Variants in RIPOR2 observed in about 807,000 individuals in gnomAD.
RIPOR2 encodes rho family-interacting cell polarization regulator 2.
RIPOR2 carries 39 observed loss-of-function variants against 114.5 expected under a neutral mutation model. That is an observed-to-expected ratio of 0.34 (90% CI 0.26 to 0.44). The LOEUF (loss-of-function observed/expected upper bound fraction) is 0.44, where lower values mean the gene tolerates loss of function less well. Ranked by LOEUF, RIPOR2 falls within the 20% of genes least tolerant of loss-of-function variation. The pLI, the probability that RIPOR2 is intolerant of heterozygous loss-of-function variation, is 1.00. For missense variants in RIPOR2, 1,007 were observed against 1,255.1 expected (o/e 0.80, Z 2.99); for synonymous variants, 445 against 484.4 (o/e 0.92, Z 1.07).
intron 1 of RIPOR2, among the ~76,000 whole-genome samples, chr6:24,999,512 T>C (rs9393605): frequency 0.53 from 80,142 of 151,150 alleles, 22,104 homozygotes; most frequent in East Asian, 0.76. Flanking sequence ...TGTGTAATTT[T>C]CCCTCTGCAA....
intron 1 of RIPOR2, among the ~76,000 whole-genome samples, chr6:24,881,834 T>C (rs1185585515): frequency 6.6e-6 from 1 of 152,036 alleles, no homozygotes; most frequent in African/African-American, 2.4e-5. Flanking sequence ...ACAAGAACAC[T>C]GAATCTGAAG....
At chr6:24,925,120 G>A (rs1770765026) in intron 1 of RIPOR2, among the ~76,000 whole-genome samples, 1 of 152,134 alleles carries the variant, frequency 6.6e-6, no homozygotes, top group African/African-American at 2.4e-5. Flanking sequence ...TATCTTGCAG[G>A]TAGTTGGCTG....
chr6:25,015,902 T>TTG (rs1775963123), intron 1 of RIPOR2: 2 of 88,356 alleles, frequency 2.3e-5, no homozygotes, highest in African/African-American at 9.0e-5. Flanking sequence ...TTTGGTTTTT[T>TTG]TTTTTTTTTT....
intron 12 of RIPOR2, among the ~76,000 whole-genome samples, chr6:24,847,361 A>G (rs1318593599): frequency 6.6e-6 from 1 of 152,216 alleles, no homozygotes. Context: ...ATTAGAAGAG[A>G]AGGACAAACT....
At chr6:24,967,084 C>T (rs974471409) in intron 1 of RIPOR2, among the ~76,000 whole-genome samples, 1 of 152,162 alleles carries the variant, frequency 6.6e-6, no homozygotes, top group African/African-American at 2.4e-5. Context: ...AGGAGTGTCT[C>T]CCCATTGGGA....
At chr6:25,019,800 A>G (rs1776223233) in intron 1 of RIPOR2, among the ~76,000 whole-genome samples, 1 of 139,932 alleles carries the variant, frequency 7.1e-6, no homozygotes, top group Non-Finnish European at 1.6e-5. Flanking sequence ...AAAAAAAAAG[A>G]AAAGAAAGAA....
chr6:25,001,477 T>C (rs961822580), intron 1 of RIPOR2, among the ~76,000 whole-genome samples: 1 of 151,378 alleles, frequency 6.6e-6, no homozygotes, highest in African/African-American at 2.4e-5. Flanking sequence ...ACAAAAAAAT[T>C]AGCTGGGCGC....
intron 1 of RIPOR2, among the ~76,000 whole-genome samples, chr6:25,004,930 C>A (rs1466734795): frequency 6.6e-6 from 1 of 151,362 alleles, no homozygotes; most frequent in Non-Finnish European, 1.5e-5. Context: ...TTCCAACCAT[C>A]CAAATATGTT....
At chr6:25,004,497 C>G (rs11758900) in intron 1 of RIPOR2, among the ~76,000 whole-genome samples, 58,857 of 152,004 alleles carry the variant, frequency 0.39, 14,317 homozygotes, top group Non-Finnish European at 0.54. Flanking sequence ...CACCTTGTCG[C>G]CTCCTCTCCA....
chr6:24,811,228 CTTTTTTTTTTT>C (rs59559836), intron 20 of RIPOR2, among the ~76,000 whole-genome samples: 6 of 93,774 alleles, frequency 6.4e-5, no homozygotes, highest in Non-Finnish European at 6.2e-5. Context: ...TTCTCTCATT[CTTTTTTTTTTT>C]TTTTTTTTTT....
In RIPOR2 at chr6:24,839,251, T is replaced by C. The variant is rs755820397; in HGVS notation, c.1879A>G (p.Ser627Gly). 39 of 1,551,790 alleles carry C rather than the reference T, an allele frequency of 2.5e-5. No individual in the cohort carries two copies. The highest frequency in any genetic ancestry group is 3.1e-5 in the Non-Finnish European group (36 of 1,147,020). The change falls in exon 14 of 22, where the codon AGC (serine) becomes GGC (glycine). Residue 627 changes from serine to glycine, a missense_variant. Ser to Gly is a moderately conservative substitution (Grantham distance 56, BLOSUM62 0). Coordinates refer to ENST00000643898, the MANE Select transcript of RIPOR2 (RefSeq NM_001286445.3). ...ILKCKPAVSR[S>G]RSSSLSLTVE... ...GTGAGACTTAAACTGGAAGACCTGC[T>C]GCGGCTTACTGCTGGCTTGCACTGT...
intron 1 of RIPOR2, chr6:25,023,598 C>A: frequency 1.3e-6 from 1 of 766,016 alleles, no homozygotes; most frequent in Non-Finnish European, 2.4e-6. Flanking sequence ...ATGGTGAAGG[C>A]CTTGATGTCT....
At chr6:24,884,403 C>T (rs1383002804) in intron 1 of RIPOR2, among the ~76,000 whole-genome samples, 1 of 151,998 alleles carries the variant, frequency 6.6e-6, no homozygotes, top group Non-Finnish European at 1.5e-5. Context: ...AGCGAGACTC[C>T]ATCTCAAAAA....
chr6:24,938,908 G>T (rs574231125), upstream of RIPOR2, among the ~76,000 whole-genome samples: 1 of 152,168 alleles, frequency 6.6e-6, no homozygotes, highest in African/African-American at 2.4e-5. Context: ...ACATATGCAT[G>T]CATCAATATG....
rs548924738 is a variant in RIPOR2, at chr6:24,850,825, C to A, written c.760-103G>T. ...AAGACCTAAAGCCACTGCTGCCCTC[C>A]GCTTCTCCCTTACTCTCCCTCCACC... is the stretch of plus-strand genomic sequence containing the variant. On this transcript the variant is annotated intron_variant, in intron 9 of 21. Transcript: ENST00000643898. The A allele has an allele frequency of 9.2e-6, 12 of 1,307,616 alleles. No individual in the cohort carries two copies. In the Admixed American group the frequency reaches 1.4e-4, roughly 15 times the overall value. The allele number at this position is 1,307,616 out of a possible 1,614,324, so 81.0% of individuals were successfully genotyped here. A position where few individuals can be genotyped will look rare whatever the true frequency, so the allele number is the denominator to read the frequency against.
intron 11 of RIPOR2, 133 bp downstream of exon 11, chr6:24,849,669 C>T (rs1762659920): frequency 1.3e-6 from 1 of 796,530 alleles, no homozygotes; most frequent in South Asian, 1.7e-5. Context: ...CACAGTAGTC[C>T]TGGGGTGGGG....
chr6:24,823,294 G>T (rs1177868817), intron 19 of RIPOR2, among the ~76,000 whole-genome samples: 5 of 152,134 alleles, frequency 3.3e-5, no homozygotes. Flanking sequence ...TCAGGCTTTG[G>T]GAGTCAAACA....
intron 1 of RIPOR2, among the ~76,000 whole-genome samples, chr6:24,897,458 C>T (rs560511965): frequency 5.1e-4 from 77 of 152,308 alleles, no homozygotes; most frequent in Admixed American, 3.5e-3. Context: ...CCTCCCCCTC[C>T]GCCATCCTCC....
chr6:24,852,077 T>C (rs1015784608), intron 9 of RIPOR2, among the ~76,000 whole-genome samples: 3 of 151,922 alleles, frequency 2.0e-5, no homozygotes, highest in Non-Finnish European at 2.9e-5. Flanking sequence ...CTGGCCAACA[T>C]GGTGAAACCC....
Sources: gnomAD v4.1 joint callset for allele counts (sites outside exome capture counted in the v4.1 genomes callset) on GRCh38, gnomAD v4.1.1 for gene constraint, MANE v1.5 for transcripts, NCBI Gene and HGNC (gene_info 2026-07-23, HGNC 2026-07-21) for gene names.